The following KHDRBS2 variants were observed in gnomAD, a reference collection of about 807,000 sequenced individuals.
The protein encoded by KHDRBS2 is KH RNA binding domain containing, signal transduction associated 2.
KHDRBS2 carries 26 observed loss-of-function variants against 44.3 expected under a neutral mutation model. That is an observed-to-expected ratio of 0.59 (90% CI 0.43 to 0.81). The LOEUF (loss-of-function observed/expected upper bound fraction) is 0.81. Among genes scored for constraint, KHDRBS2 ranks in the 40% least tolerant of loss-of-function variants. The pLI, the probability that KHDRBS2 is intolerant of heterozygous loss-of-function variation, is 0.00. For synonymous variants in KHDRBS2, 194 were observed against 151.1 expected (o/e 1.28, Z -2.08); for missense variants, 476 against 433.1 (o/e 1.10, Z -0.88).
At chr6:61,808,348 G>C (rs892568156) in intron 6 of KHDRBS2, among the ~76,000 whole-genome samples, 1 of 152,072 alleles carries the variant, frequency 6.6e-6, no homozygotes, top group East Asian at 1.9e-4. Flanking sequence ...ATTCAAATGT[G>C]CCCTAAAAGA....
chr6:61,916,466 C>T (rs936393286), intron 4 of KHDRBS2, among the ~76,000 whole-genome samples: 12 of 151,812 alleles, frequency 7.9e-5, no homozygotes, highest in African/African-American at 2.4e-4. Flanking sequence ...TCAAGTTCTG[C>T]CTCAGTATTA....
chr6:61,808,084 A>G (rs1257778573), intron 6 of KHDRBS2, among the ~76,000 whole-genome samples: 1 of 152,152 alleles, frequency 6.6e-6, no homozygotes, highest in Non-Finnish European at 1.5e-5. Context: ...TTTGAGAAGT[A>G]ATGTTTCCAC....
At chr6:61,694,544 C>T (rs933116931) in intron 8 of KHDRBS2, among the ~76,000 whole-genome samples, 33 of 152,240 alleles carry the variant, frequency 2.2e-4, no homozygotes, top group African/African-American at 7.9e-4. Flanking sequence ...GGCCTCATTC[C>T]TATATGATTA....
chr6:62,036,838 A>C (rs1785380957), intron 3 of KHDRBS2, among the ~76,000 whole-genome samples: 1 of 152,036 alleles, frequency 6.6e-6, no homozygotes, highest in African/African-American at 2.4e-5. Flanking sequence ...TGAAATAATT[A>C]AACTAGTATC....
At chr6:62,044,997 T>G (rs1344155479) in intron 3 of KHDRBS2, among the ~76,000 whole-genome samples, 7 of 151,958 alleles carry the variant, frequency 4.6e-5, no homozygotes, top group Non-Finnish European at 8.8e-5. Context: ...AATATATAAA[T>G]TTAGCATCTA....
At chr6:61,785,573 A>T (rs1346064896) in intron 6 of KHDRBS2, among the ~76,000 whole-genome samples, 2 of 152,056 alleles carry the variant, frequency 1.3e-5, no homozygotes, top group East Asian at 3.8e-4. Context: ...AAGACATAAA[A>T]ATTGTTAAAA....
At chr6:61,963,974 A>T (rs527749160) in intron 4 of KHDRBS2, among the ~76,000 whole-genome samples, 7 of 152,090 alleles carry the variant, frequency 4.6e-5, no homozygotes, top group Non-Finnish European at 1.0e-4. Flanking sequence ...TAAGATTCTC[A>T]TCTTGTTCCC....
chr6:61,997,018 T>C (rs1410871295), intron 3 of KHDRBS2, among the ~76,000 whole-genome samples: 1 of 152,136 alleles, frequency 6.6e-6, no homozygotes, highest in Non-Finnish European at 1.5e-5. Flanking sequence ...CCTGACCTCG[T>C]GATCCGCCCA....
rs1475617191 is a variant in KHDRBS2, at chr6:62,004,016, A to G, written c.337-25804T>C. Among the ~76,000 whole-genome samples the G allele has an allele frequency of 2.6e-5, 4 of 152,366 alleles. No homozygotes were observed. In the East Asian group the frequency reaches 7.7e-4, roughly 29 times the overall value. On this transcript the variant is annotated intron_variant, in intron 3 of 8. Transcript: ENST00000281156. ...CACATTTAAAGCAGTATGTAGAGGG[A>G]AATTTATAGCACTAAATGCCCACAA...
At position 61,972,661 on chromosome 6, in the gene KHDRBS2, T is replaced by A. The variant is rs549815585; in HGVS notation, c.483+5405A>T. Reference sequence around the variant, plus strand: ...GCTTCCCTCTCTGCATTGAACTTTGTTTTTAAATTCTGTAACCAATCATTC... The same window carrying A: ...GCTTCCCTCTCTGCATTGAACTTTGATTTTAAATTCTGTAACCAATCATTC... On this transcript the variant is annotated intron_variant, in intron 4 of 8. Transcript: ENST00000281156. Among the ~76,000 whole-genome samples, 147 of 152,260 alleles carry A rather than the reference T, an allele frequency of 9.7e-4. 1 individual carries two copies. Among genetic ancestry groups the A allele is most frequent in the African/African-American group, 3.3e-3 (139 of 41,538 alleles).
At chr6:61,552,192 A>C in the KHDRBS2 span, among the ~76,000 whole-genome samples, 13 of 152,000 alleles carry the variant, frequency 8.6e-5, no homozygotes, top group South Asian at 2.7e-3. Context: ...GATTTCTTTG[A>C]GTAGTGTTTT....
chr6:61,984,493 T>A (rs996030166), intron 3 of KHDRBS2, among the ~76,000 whole-genome samples: 1 of 152,100 alleles, frequency 6.6e-6, no homozygotes, highest in East Asian at 1.9e-4. Context: ...ACATCCATAA[T>A]CTTACTGAAA....
the KHDRBS2 span, among the ~76,000 whole-genome samples, chr6:61,556,599 T>C: frequency 1.3e-5 from 2 of 152,110 alleles, no homozygotes; most frequent in African/African-American, 4.8e-5. Flanking sequence ...ATATGGAGTT[T>C]AGCCAAAAAA....
intron 7 of KHDRBS2, among the ~76,000 whole-genome samples, chr6:61,720,927 C>T: frequency 6.6e-6 from 1 of 150,884 alleles, no homozygotes; most frequent in East Asian, 1.9e-4. Flanking sequence ...AGGTTTAAGT[C>T]TTTAATCCAT....
intron 1 of KHDRBS2, among the ~76,000 whole-genome samples, chr6:62,220,521 T>C (rs1388020637): frequency 6.6e-6 from 1 of 151,814 alleles, no homozygotes; most frequent in South Asian, 2.1e-4. Flanking sequence ...TACAGTAAAA[T>C]TGGCATATAA....
intron 8 of KHDRBS2, 128 bp downstream of exon 8, chr6:61,697,067 G>T: frequency 1.4e-6 from 1 of 718,546 alleles, no homozygotes; most frequent in Non-Finnish European, 2.5e-6. Context: ...TCTCACCCTG[G>T]AATTACATGA....
chr6:61,580,988 A>G, the KHDRBS2 span, among the ~76,000 whole-genome samples: 9 of 152,216 alleles, frequency 5.9e-5, no homozygotes, highest in Non-Finnish European at 8.8e-5. Flanking sequence ...TTTAGTACAA[A>G]TAATGAAACA....
chr6:61,639,564 T>C, the KHDRBS2 span, among the ~76,000 whole-genome samples: 9 of 152,036 alleles, frequency 5.9e-5, no homozygotes, highest in African/African-American at 2.2e-4. Context: ...TTCCAAACCA[T>C]ACTTCTGCTT....
chr6:62,202,189 A>C (rs1250817634), intron 1 of KHDRBS2, among the ~76,000 whole-genome samples: 1 of 152,128 alleles, frequency 6.6e-6, no homozygotes, highest in African/African-American at 2.4e-5. Flanking sequence ...ACGTTATACC[A>C]TTCTCAAATA....
Sources: gnomAD v4.1 joint callset for allele counts (sites outside exome capture counted in the v4.1 genomes callset) on GRCh38, gnomAD v4.1.1 for gene constraint, MANE v1.5 for transcripts, NCBI Gene and HGNC (gene_info 2026-07-23, HGNC 2026-07-21) for gene names.